Variants in NKAIN2 observed in about 807,000 individuals in gnomAD.
NKAIN2 encodes sodium/potassium-transporting ATPase subunit beta-1-interacting protein 2.
Under a neutral mutation model 32.6 loss-of-function variants are expected in NKAIN2, and 14 were observed. The ratio of observed to expected loss-of-function variants is 0.43; its 90% CI spans 0.28 to 0.67. The LOEUF is 0.67. Ranked by LOEUF, NKAIN2 falls within the 30% of genes least tolerant of loss-of-function variation. The probability of loss-of-function intolerance (pLI) is 0.17; values close to 1 mark genes in which losing one functional copy is unlikely to be tolerated. For synonymous variants in NKAIN2, 80 were observed against 87.2 expected (o/e 0.92, Z 0.46); for missense variants, 198 against 258.3 (o/e 0.77, Z 1.60).
rs760459755 is a variant in NKAIN2 at position 124,597,950 on chromosome 6, T to TA, written c.274-60235dup. On this transcript the variant is annotated intron_variant, in intron 3 of 6. Transcript: ENST00000368417. ...TCAATAAAGCAGAACATCTAAGTCT[T>TA]ACTATCAAACAGCTATCACTGTGCT... is the stretch of plus-strand genomic sequence containing the variant. Among the ~76,000 whole-genome samples, 96 of 152,326 alleles carry TA rather than the reference T, an allele frequency of 6.3e-4. 1 individual carries two copies. Among genetic ancestry groups the TA allele is most frequent in the Non-Finnish European group, 8.2e-4 (56 of 68,026 alleles).
intron 6 of NKAIN2, among the ~76,000 whole-genome samples, chr6:124,821,761 A>AG (rs1781403343): frequency 6.6e-6 from 1 of 152,240 alleles, no homozygotes; most frequent in Non-Finnish European, 1.5e-5. Context: ...TGTATACTTA[A>AG]GGTACATTTA....
At chr6:124,729,241 C>T (rs1379848625) in intron 4 of NKAIN2, among the ~76,000 whole-genome samples, 2 of 150,450 alleles carry the variant, frequency 1.3e-5, no homozygotes, top group African/African-American at 4.8e-5. Context: ...CAAAGCCAGG[C>T]AGAGACACAA....
chr6:124,403,827 A>C (rs1583194817), intron 3 of NKAIN2, among the ~76,000 whole-genome samples: 1 of 152,294 alleles, frequency 6.6e-6, no homozygotes, highest in East Asian at 1.9e-4. Context: ...ACATCCTTTG[A>C]ATTATTAAGA....
intron 1 of NKAIN2, among the ~76,000 whole-genome samples, chr6:123,869,016 T>C (rs1404039928): frequency 6.6e-6 from 1 of 152,226 alleles, no homozygotes; most frequent in Non-Finnish European, 1.5e-5. Flanking sequence ...TGTGATTGAT[T>C]GGTCATCTTT....
Position 124,387,812 on chromosome 6 carries a change from C to A in NKAIN2, c.273+32465C>A, listed in dbSNP as rs568008653. On this transcript the variant is annotated intron_variant, in intron 3 of 6. Transcript: ENST00000368417. ...CCTTGTATATCTCTGCATCTGTACT[C>A]CAGGCCCAGTCTGAGACCTAATTGG... Among the ~76,000 whole-genome samples the A allele has an allele frequency of 2.6e-4, 39 of 152,106 alleles. No individual in the cohort carries two copies. The South Asian group carries it at 4.2e-3, about 16-fold the overall frequency.
intron 1 of NKAIN2, among the ~76,000 whole-genome samples, chr6:124,254,501 CTTGTG>C (rs1415470306): frequency 6.6e-6 from 1 of 150,540 alleles, no homozygotes; most frequent in African/African-American, 2.4e-5. Flanking sequence ...TTCTTTTCCA[CTTGTG>C]TTGGGTTTTG....
intron 4 of NKAIN2, among the ~76,000 whole-genome samples, chr6:124,695,946 G>A (rs1211879453): frequency 6.6e-6 from 1 of 152,168 alleles, no homozygotes; most frequent in Non-Finnish European, 1.5e-5. Flanking sequence ...AAAGATGCAG[G>A]GGAAACTGCT....
chr6:123,929,445 T>A (rs944066358), intron 1 of NKAIN2, among the ~76,000 whole-genome samples: 1 of 152,112 alleles, frequency 6.6e-6, no homozygotes, highest in African/African-American at 2.4e-5. Flanking sequence ...CAGAAAGAGA[T>A]GAAATGACTC....
At position 123,964,806 on chromosome 6, in the gene NKAIN2, T is replaced by C. The variant is rs1266843755; in HGVS notation, c.54+160552T>C. Among the ~76,000 whole-genome samples the C allele has an allele frequency of 2.6e-5, 4 of 152,230 alleles. No homozygotes were observed. In the East Asian group the frequency reaches 5.8e-4, roughly 22 times the overall value. On this transcript the variant is annotated intron_variant, in intron 1 of 6. Transcript: ENST00000368417. The surrounding 1 kb of genome is among the most constrained non-coding windows in gnomAD (Gnocchi z 4.0). ...CTAAATTAGCCTTGCATCCATTTCT[T>C]ACCTCATGATTCGAGCTAAGCATGT...
intron 3 of NKAIN2, among the ~76,000 whole-genome samples, chr6:124,465,175 A>G (rs1434500654): frequency 6.6e-6 from 1 of 152,142 alleles, no homozygotes; most frequent in African/African-American, 2.4e-5. Flanking sequence ...ATAAAGACAC[A>G]TGCACATGTA....
At position 124,586,608 on chromosome 6, in the gene NKAIN2, GA is replaced by G. The variant is rs201022705; in HGVS notation, c.274-71566del. On this transcript the variant is annotated intron_variant, in intron 3 of 6. Coordinates refer to ENST00000368417, the MANE Select transcript of NKAIN2 (RefSeq NM_001040214.3). The stretch of plus-strand genomic sequence containing the variant: ...CTGAACCTAAAATAAAAGTTGGAAA[GA>G]AAAAAAAAAAACAGTTTGAGAGTTT... Among the ~76,000 whole-genome samples the G allele has an allele frequency of 4.8e-3, 607 of 127,606 alleles. 3 individuals are homozygous for G. Among genetic ancestry groups the G allele is most frequent in the African/African-American group, 0.014 (480 of 34,774 alleles). The allele number at this position is 127,606 out of a possible 152,430, so 83.7% of individuals were successfully genotyped here.
At chr6:124,589,752 C>G (rs1050527729) in intron 3 of NKAIN2, among the ~76,000 whole-genome samples, 23 of 152,052 alleles carry the variant, frequency 1.5e-4, no homozygotes, top group African/African-American at 5.6e-4. Flanking sequence ...TGGTGGTTTG[C>G]TGCACCTATC....
At chr6:124,413,233 G>T (rs1774297583) in intron 3 of NKAIN2, among the ~76,000 whole-genome samples, 1 of 152,106 alleles carries the variant, frequency 6.6e-6, no homozygotes, top group African/African-American at 2.4e-5. Flanking sequence ...ACCTCAGTTG[G>T]AAATGCAGAA....
chr6:124,326,036 T>G (rs1484197676), intron 2 of NKAIN2, among the ~76,000 whole-genome samples: 1 of 151,960 alleles, frequency 6.6e-6, no homozygotes, highest in Non-Finnish European at 1.5e-5. Context: ...TCTGTGTGTG[T>G]GTATGTATAT....
intron 3 of NKAIN2, among the ~76,000 whole-genome samples, chr6:124,638,887 C>CAAAAAAAAAAAAAAAAA (rs35802663): frequency 2.4e-5 from 2 of 82,620 alleles, no homozygotes; most frequent in African/African-American, 1.0e-4. Flanking sequence ...GAGACTCTGT[C>CAAAAAAAAAAAAAAAAA]AAAAAAAAAA....
At chr6:124,004,719 G>A (rs897963099) in intron 1 of NKAIN2, among the ~76,000 whole-genome samples, 2 of 151,838 alleles carry the variant, frequency 1.3e-5, no homozygotes, top group Non-Finnish European at 2.9e-5. Context: ...CAGGTGGTGG[G>A]GGGATGGGGG....
intron 2 of NKAIN2, among the ~76,000 whole-genome samples, chr6:124,351,148 A>G (rs77191775): frequency 1.3e-5 from 2 of 152,248 alleles, no homozygotes; most frequent in African/African-American, 4.8e-5. Flanking sequence ...TCGTCTATAC[A>G]TAATGGCGTT....
At chr6:124,382,062 AAC>A (rs1310926709) in intron 3 of NKAIN2, among the ~76,000 whole-genome samples, 1 of 152,102 alleles carries the variant, frequency 6.6e-6, no homozygotes, top group Non-Finnish European at 1.5e-5. Context: ...GGTTTTTAGG[AAC>A]AGTATTTCTT....
At chr6:124,490,306 A>G (rs530812913) in intron 3 of NKAIN2, 11 of 410,728 alleles carry the variant, frequency 2.7e-5, no homozygotes, top group African/African-American at 1.5e-4. Flanking sequence ...ATCACCACCA[A>G]TTAGAGAATG....
Sources: gnomAD v4.1 joint callset for allele counts (sites outside exome capture counted in the v4.1 genomes callset) on GRCh38, gnomAD v4.1.1 for gene constraint, Gnocchi (gnomAD v3.1) non-coding constraint, MANE v1.5 for transcripts, NCBI Gene and HGNC (gene_info 2026-07-23, HGNC 2026-07-21) for gene names.